IL1RAPL1: variants seen among roughly 807,000 people sequenced by gnomAD.
The protein encoded by IL1RAPL1 is interleukin 1 receptor accessory protein like 1.
In IL1RAPL1, 3 loss-of-function variants were observed where a neutral mutation model predicts 48.4. That is an observed-to-expected ratio of 0.06 (90% CI 0.03 to 0.16). IL1RAPL1 has a LOEUF of 0.16. IL1RAPL1 is among the 10% of genes least tolerant of loss of function. The pLI is 1.00. For missense variants in IL1RAPL1, 349 were observed against 530.6 expected (o/e 0.66, Z 3.36); for synonymous variants, 185 against 187.7 (o/e 0.99, Z 0.12).
chrX:28,658,167 G>T (rs1934771484), intron 1 of IL1RAPL1, among the ~76,000 whole-genome samples: 1 of 112,216 alleles, frequency 8.9e-6, no homozygotes, highest in African/African-American at 3.2e-5. Flanking sequence ...TTTGCTGAAT[G>T]AATTCCCATG....
chrX:28,882,844 A>C (rs1922538456), intron 2 of IL1RAPL1, among the ~76,000 whole-genome samples: 1 of 112,033 alleles, frequency 8.9e-6, no homozygotes, highest in Admixed American at 9.5e-5. Context: ...ATAGACGAAT[A>C]TAGAATCCTG....
At chrX:29,848,256 A>G (rs1931287549) in intron 6 of IL1RAPL1, among the ~76,000 whole-genome samples, 1 of 111,356 alleles carries the variant, frequency 9.0e-6, no homozygotes, top group Non-Finnish European at 1.9e-5. Context: ...TCTGTGTAGA[A>G]TGATTTTTCT....
At chrX:28,610,843 C>A (rs182127254) in intron 1 of IL1RAPL1, among the ~76,000 whole-genome samples, 165 of 111,118 alleles carry the variant, frequency 1.5e-3, no homozygotes, top group Non-Finnish European at 2.6e-3. Flanking sequence ...TCTGGTGATA[C>A]CATGATGTTG....
chrX:29,112,633 A>G (rs754573380), intron 2 of IL1RAPL1, among the ~76,000 whole-genome samples: 1 of 110,203 alleles, frequency 9.1e-6, no homozygotes, highest in African/African-American at 3.3e-5. Context: ...CAGTGACCCA[A>G]TACAGTGTGA....
At chrX:28,613,468 C>T (rs943486769) in intron 1 of IL1RAPL1, among the ~76,000 whole-genome samples, 3 of 113,057 alleles carry the variant, frequency 2.7e-5, no homozygotes, top group Admixed American at 9.3e-5. Flanking sequence ...TTCAGAAGGA[C>T]GGCCTGAGGC....
intron 9 of IL1RAPL1, among the ~76,000 whole-genome samples, chrX:29,947,771 G>C (rs747113569): frequency 2.0e-5 from 2 of 98,495 alleles, no homozygotes; most frequent in African/African-American, 7.5e-5. Flanking sequence ...TTTTTTTGGT[G>C]GGGGGGTGGG....
chrX:29,856,412 T>C (rs1001425657), intron 6 of IL1RAPL1, among the ~76,000 whole-genome samples: 2 of 111,937 alleles, frequency 1.8e-5, no homozygotes, highest in Non-Finnish European at 3.8e-5. Context: ...ACAGTTTATA[T>C]ATGCATCATG....
intron 1 of IL1RAPL1, among the ~76,000 whole-genome samples, chrX:28,707,220 C>T (rs1229328130): frequency 3.6e-5 from 4 of 112,179 alleles, no homozygotes; most frequent in African/African-American, 6.5e-5. Context: ...ACTTGGCCCA[C>T]GCAAGGGGTA....
intron 6 of IL1RAPL1, among the ~76,000 whole-genome samples, chrX:29,679,146 C>G (rs757481447): frequency 6.9e-4 from 77 of 111,778 alleles, no homozygotes; most frequent in Middle Eastern, 9.2e-3. Flanking sequence ...ATCAAGCCAT[C>G]ACTAGGAACA....
rs746476242 is a variant in IL1RAPL1, at chrX:28,789,298, TTCTTTTTAA to T, written c.-24-16_-24-8del. Reference sequence around the variant, plus strand: ...TATTTTTAAAACATGTATGTTTTTCTTCTTTTTAATCTTTGCTTTAGGGAACGGCCTTTA... The same window carrying T: ...TATTTTTAAAACATGTATGTTTTTCTTCTTTGCTTTAGGGAACGGCCTTTA... On this transcript the variant is annotated splice_polypyrimidine_tract_variant and intron_variant, in intron 1 of 10. Coordinates refer to ENST00000378993, the MANE Select transcript of IL1RAPL1 (RefSeq NM_014271.4). 1.1e-4 allele frequency: 107 copies of T among 964,764 alleles called. 1 individual carries two copies. In the South Asian group the frequency reaches 2.0e-3, roughly 18 times the overall value. 79.5% of individuals were successfully genotyped at this position (964,764 alleles called of 1,213,427 possible).
At chrX:28,595,226 T>C (rs1220777642) in intron 1 of IL1RAPL1, among the ~76,000 whole-genome samples, 1 of 112,325 alleles carries the variant, frequency 8.9e-6, no homozygotes, top group Non-Finnish European at 1.9e-5. Context: ...ATCATATAAC[T>C]ACTACTAAAT....
At chrX:29,819,537 C>A (rs1373843458) in intron 6 of IL1RAPL1, among the ~76,000 whole-genome samples, 1 of 110,898 alleles carries the variant, frequency 9.0e-6, no homozygotes, top group African/African-American at 3.3e-5. Flanking sequence ...GTTTCCATTA[C>A]CTTAGAAAAA....
chrX:28,937,201 C>T (rs137921608), intron 2 of IL1RAPL1, among the ~76,000 whole-genome samples: 47 of 111,318 alleles, frequency 4.2e-4, no homozygotes, highest in African/African-American at 1.1e-3. Context: ...TTTGTGTTAC[C>T]GTTTCTATTG....
chrX:28,975,027 T>C (rs1004863496), intron 2 of IL1RAPL1, among the ~76,000 whole-genome samples: 3 of 112,280 alleles, frequency 2.7e-5, no homozygotes, highest in African/African-American at 3.2e-5. Flanking sequence ...AGACATTCAA[T>C]TATAAATGTC....
chrX:29,507,199 CTG>C (rs1327377083), intron 5 of IL1RAPL1, among the ~76,000 whole-genome samples: 1 of 106,808 alleles, frequency 9.4e-6, no homozygotes, highest in Admixed American at 1.0e-4. Flanking sequence ...AACCAGAAGT[CTG>C]TGCTTATTTA....
chrX:28,768,915 G>A (rs1192091730), intron 1 of IL1RAPL1, among the ~76,000 whole-genome samples: 3 of 103,336 alleles, frequency 2.9e-5, no homozygotes, highest in African/African-American at 7.0e-5. Flanking sequence ...TGCATTGGAT[G>A]GATACCTAAA....
intron 2 of IL1RAPL1, among the ~76,000 whole-genome samples, chrX:29,111,261 T>TA (rs1251489842): frequency 8.9e-6 from 1 of 111,916 alleles, no homozygotes; most frequent in Admixed American, 9.5e-5. Context: ...TCTCTTCCTT[T>TA]AAAAAAACTG....
chrX:29,406,353 C>T lies in IL1RAPL1; in HGVS notation c.703+7045C>T, dbSNP rs190225501. Among the ~76,000 whole-genome samples the T allele has an allele frequency of 3.2e-3, 345 of 108,565 alleles. 2 individuals carry two copies. The highest frequency in any genetic ancestry group is 0.011 in the African/African-American group (328 of 29,915). 94.3% of individuals were successfully genotyped at this position (108,565 alleles called of 115,157 possible). A position where few individuals can be genotyped will look rare whatever the true frequency, so the allele number is the denominator to read the frequency against. ...GTAGTGAGCCGAAATCGCGACACTG[C>T]ACTCCAGACTGGGCGACAGAGCGAG... On this transcript the variant is annotated intron_variant, in intron 5 of 10. Coordinates refer to ENST00000378993, the MANE Select transcript of IL1RAPL1 (RefSeq NM_014271.4).
intron 2 of IL1RAPL1, among the ~76,000 whole-genome samples, chrX:29,114,756 A>C (rs1569239799): frequency 9.1e-6 from 1 of 110,147 alleles, no homozygotes; most frequent in Non-Finnish European, 1.9e-5. Context: ...CAGCCGCCCG[A>C]GTAGCTGGGA....
Sources: allele counts gnomAD v4.1 joint callset (sites outside exome capture counted in the v4.1 genomes callset), GRCh38; gene constraint gnomAD v4.1.1; transcripts MANE v1.5; gene names NCBI Gene and HGNC (gene_info 2026-07-23, HGNC 2026-07-21).